The following PSMD14 variants were observed in gnomAD, a reference collection of about 807,000 sequenced individuals.
PSMD14 encodes the protein ubiquitin C-terminal hydrolase PSMD14.
A neutral mutation model predicts 41.2 loss-of-function variants in PSMD14; 7 were observed. The observed-to-expected ratio is 0.17, with a 90% CI of 0.10 to 0.32. The LOEUF is 0.32. Ranked by LOEUF, PSMD14 falls within the 10% of genes least tolerant of loss-of-function variation. The pLI is 1.00. For synonymous variants in PSMD14, 114 were observed against 122.3 expected, an observed-to-expected ratio of 0.93 and a Z score of 0.45; for missense variants, 139 against 375.6, an observed-to-expected ratio of 0.37 and a Z score of 5.21.
At chr2:161,394,598 T>C (rs1261751770) in intron 9 of PSMD14, among the ~76,000 whole-genome samples, 7 of 152,230 alleles carry the variant, frequency 4.6e-5, no homozygotes, top group Admixed American at 4.6e-4. Context: ...TTCTAGAATT[T>C]AGACCCTAGT....
intron 3 of PSMD14, among the ~76,000 whole-genome samples, chr2:161,366,464 A>G (rs1384149608): frequency 1.3e-5 from 2 of 152,068 alleles, no homozygotes; most frequent in African/African-American, 4.8e-5. Flanking sequence ...TGGAATGTAA[A>G]GCAATTGTTT....
At chr2:161,378,134 A>G (rs927183469) in intron 7 of PSMD14, among the ~76,000 whole-genome samples, 5 of 151,962 alleles carry the variant, frequency 3.3e-5, no homozygotes, top group African/African-American at 1.2e-4. Context: ...TTTTCTAAAG[A>G]GGGTAAAAAT....
At chr2:161,352,438 C>G (rs1385444871) in intron 3 of PSMD14, among the ~76,000 whole-genome samples, 3 of 152,152 alleles carry the variant, frequency 2.0e-5, no homozygotes, top group African/African-American at 7.2e-5. Context: ...TATTATATTA[C>G]CAAGACTTAC....
At chr2:161,318,383 A>C (rs192720933) in intron 2 of PSMD14, among the ~76,000 whole-genome samples, 115 of 152,276 alleles carry the variant, frequency 7.6e-4, no homozygotes, top group African/African-American at 2.6e-3. Flanking sequence ...ATTAGCACAG[A>C]ACTTACTAAT....
chr2:161,322,394 A>C (rs983137743), intron 3 of PSMD14, among the ~76,000 whole-genome samples: 2 of 151,850 alleles, frequency 1.3e-5, no homozygotes, highest in Non-Finnish European at 2.9e-5. Context: ...TGTTATTGTT[A>C]TTATTATTAT....
intron 3 of PSMD14, among the ~76,000 whole-genome samples, chr2:161,334,598 C>T (rs1682840070): frequency 6.6e-6 from 1 of 152,178 alleles, no homozygotes; most frequent in Admixed American, 6.5e-5. Flanking sequence ...TTAAAGTGCT[C>T]CTCTGTAGAG....
chr2:161,401,288 T>A (rs1863177), intron 10 of PSMD14, among the ~76,000 whole-genome samples: 128,572 of 152,300 alleles, frequency 0.84, 54,477 homozygotes, highest in African/African-American at 0.92. Flanking sequence ...AGGCTTTCAG[T>A]CAACAGTAGG....
At chr2:161,341,385 G>T in intron 3 of PSMD14, 1 of 843,408 alleles carries the variant, frequency 1.2e-6, no homozygotes, top group Non-Finnish European at 1.4e-6. Context: ...GCCGCGCCCC[G>T]TCCTTTGTTA....
intron 7 of PSMD14, among the ~76,000 whole-genome samples, chr2:161,379,176 G>A (rs1434749379): frequency 6.6e-6 from 1 of 151,914 alleles, no homozygotes; most frequent in Admixed American, 6.6e-5. Context: ...CACTAGAAAG[G>A]GATCTGAAGT....
intron 3 of PSMD14, among the ~76,000 whole-genome samples, chr2:161,347,364 G>C (rs1683059633): frequency 6.6e-6 from 1 of 151,974 alleles, no homozygotes; most frequent in Non-Finnish European, 1.5e-5. Context: ...CAACAGGCTG[G>C]TCTCGAACTA....
At chr2:161,393,680 AAC>A (rs1262039463) in intron 9 of PSMD14, among the ~76,000 whole-genome samples, 1 of 152,174 alleles carries the variant, frequency 6.6e-6, no homozygotes, top group East Asian at 1.9e-4. Flanking sequence ...TTGACGAAAC[AAC>A]AGTCATTTTA....
In PSMD14 at chr2:161,371,265, C is replaced by T. The variant is rs1683430152; in HGVS notation, c.405C>T (p.Ala135=). The change falls in exon 7 of 12, where the codon GCC becomes GCT. Residue 135 remains alanine (A), a synonymous_variant. Transcript: ENST00000409682. ...TCAACACTCAGCAGAGCTTTGAAGC[C>T]TTGTCGGAGAGAGCTGTGGCAGTGG... is the stretch of plus-strand genomic sequence containing the variant. ...VDINTQQSFE[A]LSERAVAVVV... 1.2e-6 allele frequency: 2 copies of T among 1,612,238 alleles called. No homozygotes were observed. Among genetic ancestry groups the T allele is most frequent in the South Asian group, 1.1e-5 (1 of 90,842 alleles).
At chr2:161,348,905 A>G (rs886737798) in intron 3 of PSMD14, among the ~76,000 whole-genome samples, 2 of 152,116 alleles carry the variant, frequency 1.3e-5, no homozygotes, top group African/African-American at 4.8e-5. Context: ...AAATAAAGTA[A>G]ATAACAGTGG....
chr2:161,310,036 C>T (rs1443678561), intron 1 of PSMD14, among the ~76,000 whole-genome samples: 1 of 152,060 alleles, frequency 6.6e-6, no homozygotes, highest in Non-Finnish European at 1.5e-5. Flanking sequence ...TGGCACGTGC[C>T]TGTATTCCCA....
At chr2:161,337,037 T>C (rs1314237068) in intron 3 of PSMD14, among the ~76,000 whole-genome samples, 1 of 152,248 alleles carries the variant, frequency 6.6e-6, no homozygotes, top group African/African-American at 2.4e-5. Context: ...CAAAGTCATT[T>C]AAAGAAAAAT....
intron 3 of PSMD14, among the ~76,000 whole-genome samples, chr2:161,359,923 A>G (rs990958143): frequency 3.9e-5 from 6 of 152,186 alleles, no homozygotes; most frequent in African/African-American, 1.4e-4. Flanking sequence ...ATATTTGATT[A>G]CCTCACAAGC....
chr2:161,366,936 G>A (rs944287686), intron 3 of PSMD14, among the ~76,000 whole-genome samples: 1 of 152,142 alleles, frequency 6.6e-6, no homozygotes, highest in Admixed American at 6.6e-5. Context: ...TGGGGCAATT[G>A]TGTTAAATTT....
At chr2:161,396,118 A>G (rs1285184120) in intron 10 of PSMD14, among the ~76,000 whole-genome samples, 1 of 152,230 alleles carries the variant, frequency 6.6e-6, no homozygotes, top group Non-Finnish European at 1.5e-5. Flanking sequence ...GCCAACACCC[A>G]GGTTGCTGCC....
chr2:161,383,116 A>G (rs1683589103), intron 7 of PSMD14: 1 of 151,872 alleles, frequency 6.6e-6, no homozygotes, highest in South Asian at 2.1e-4. Flanking sequence ...CGCACTGGAC[A>G]TTAATGAGTC....
Sources: gnomAD v4.1 joint callset for allele counts (sites outside exome capture counted in the v4.1 genomes callset) on GRCh38, gnomAD v4.1.1 for gene constraint, MANE v1.5 for transcripts, NCBI Gene and HGNC (gene_info 2026-07-23, HGNC 2026-07-21) for gene names.